The following CAAP1 variants were observed in gnomAD, a reference collection of about 807,000 sequenced individuals.
The protein encoded by CAAP1 is conserved anti-apoptotic protein.
In CAAP1, 20 loss-of-function variants were observed where a neutral mutation model predicts 34.0. The ratio of observed to expected loss-of-function variants is 0.59; its 90% CI spans 0.41 to 0.86. CAAP1 has a LOEUF of 0.86. CAAP1 is among the 40% of genes least tolerant of loss of function. CAAP1 has a pLI of 0.00. For synonymous variants in CAAP1, 213 were observed against 166.7 expected, an observed-to-expected ratio of 1.28 and a Z score of -2.14; for missense variants, 538 against 450.5, an observed-to-expected ratio of 1.19 and a Z score of -1.76.
At chr9:26,846,907 G>A (rs912623303) in intron 5 of CAAP1, among the ~76,000 whole-genome samples, 5 of 151,756 alleles carry the variant, frequency 3.3e-5, no homozygotes, top group East Asian at 3.9e-4. Context: ...GGCTGGCCTC[G>A]AACTCCCAAC....
chr9:26,851,852 C>T (rs569404850), intron 5 of CAAP1, among the ~76,000 whole-genome samples: 64 of 152,242 alleles, frequency 4.2e-4, no homozygotes, highest in Non-Finnish European at 8.8e-5. Context: ...GGGCATCACA[C>T]TCAAATACTT....
At chr9:26,882,451 A>G (rs929367173) in intron 4 of CAAP1, among the ~76,000 whole-genome samples, 1 of 152,218 alleles carries the variant, frequency 6.6e-6, no homozygotes, top group Non-Finnish European at 1.5e-5. Flanking sequence ...CATAGAAGTC[A>G]AGAACTGTGC....
intron 5 of CAAP1, among the ~76,000 whole-genome samples, chr9:26,857,524 C>T (rs534639423): frequency 3.3e-5 from 5 of 151,990 alleles, no homozygotes; most frequent in South Asian, 2.1e-4. Context: ...GCCAGCTACT[C>T]GGCAGGCTGA....
chr9:26,847,649 G>A lies in CAAP1; in HGVS notation c.740-5002C>T, dbSNP rs183268654. 7.6e-3 allele frequency among the ~76,000 whole-genome samples: 1,155 copies of A among 151,664 alleles called. 8 individuals carry two copies. The highest frequency in any genetic ancestry group is 0.015 in the Admixed American group (226 of 15,246). ...GTTTCTACCCTTTGCCCATGTTTTT[G>A]TTTCTTAATAATACCTACATTCTAT... On this transcript the variant is annotated intron_variant, in intron 5 of 5. Transcript: ENST00000333916.
intron 4 of CAAP1, among the ~76,000 whole-genome samples, chr9:26,884,080 T>C (rs1417839990): frequency 1.3e-5 from 2 of 152,194 alleles, no homozygotes; most frequent in Non-Finnish European, 2.9e-5. Context: ...TTTTATACTT[T>C]ATCTTTTTCA....
chr9:26,843,205 A>G (rs1243252114), intron 5 of CAAP1, among the ~76,000 whole-genome samples: 1 of 152,238 alleles, frequency 6.6e-6, no homozygotes, highest in Non-Finnish European at 1.5e-5. Flanking sequence ...GCCTAAGGCC[A>G]TTTTCTAAGG....
chr9:26,846,694 C>CTT (rs888026035), intron 5 of CAAP1, among the ~76,000 whole-genome samples: 9 of 148,272 alleles, frequency 6.1e-5, no homozygotes, highest in Non-Finnish European at 1.2e-4. Flanking sequence ...AATTTTTCTT[C>CTT]TTTTTTTTTT....
At chr9:26,861,739 A>C (rs1372536080) in intron 4 of CAAP1, among the ~76,000 whole-genome samples, 1 of 152,190 alleles carries the variant, frequency 6.6e-6, no homozygotes, top group East Asian at 1.9e-4. Context: ...TTCAGCAAAA[A>C]GGTCAAGAAA....
At chr9:26,851,198 G>A (rs543007527) in intron 5 of CAAP1, among the ~76,000 whole-genome samples, 19 of 152,038 alleles carry the variant, frequency 1.2e-4, no homozygotes, top group Admixed American at 2.0e-4. Flanking sequence ...ACCAAATTAC[G>A]CAATACAAAA....
intron 3 of CAAP1, among the ~76,000 whole-genome samples, 189 bp from the exon 4 acceptor site, chr9:26,885,074 CTTTTTTTTTTT>C (rs397893644): frequency 8.6e-6 from 1 of 116,930 alleles, no homozygotes; most frequent in Non-Finnish European, 1.8e-5. Context: ...TTTCTCATTG[CTTTTTTTTTTT>C]TTTTTTTTTT....
chr9:26,844,602 C>T (rs150655230), intron 5 of CAAP1, among the ~76,000 whole-genome samples: 1 of 152,182 alleles, frequency 6.6e-6, no homozygotes, highest in East Asian at 1.9e-4. Flanking sequence ...AAGAGGTAAA[C>T]GGTAGTTGAT....
At chr9:26,852,408 T>C (rs1280784046) in intron 5 of CAAP1, among the ~76,000 whole-genome samples, 2 of 151,370 alleles carry the variant, frequency 1.3e-5, no homozygotes. Context: ...TGAGCTGAGA[T>C]CACGCCACTG....
At chr9:26,878,318 T>C (rs1823496111) in intron 4 of CAAP1, among the ~76,000 whole-genome samples, 1 of 152,224 alleles carries the variant, frequency 6.6e-6, no homozygotes, top group South Asian at 2.1e-4. Flanking sequence ...AGATGTTATA[T>C]ATGTATTCAT....
intron 4 of CAAP1, among the ~76,000 whole-genome samples, chr9:26,879,041 CTCTT>C (rs760212219): frequency 1.8e-4 from 28 of 152,186 alleles, no homozygotes; most frequent in Non-Finnish European, 4.1e-4. Context: ...TTCCCTGAAT[CTCTT>C]CCTCTGACTT....
intron 5 of CAAP1, among the ~76,000 whole-genome samples, chr9:26,848,110 AATT>A (rs1318399636): frequency 6.6e-6 from 1 of 152,242 alleles, no homozygotes; most frequent in Non-Finnish European, 1.5e-5. Flanking sequence ...TGATAAGCTG[AATT>A]ATTATCAACT....
At chr9:26,870,039 CT>C (rs555433697) in intron 4 of CAAP1, 44,397 of 277,048 alleles carry the variant, frequency 0.16, 238 homozygotes, top group Non-Finnish European at 0.2. Flanking sequence ...GAAAGAATAA[CT>C]TTTTTTTTTT....
At chr9:26,849,564 CTTA>C (rs1170621485) in intron 5 of CAAP1, among the ~76,000 whole-genome samples, 2 of 151,794 alleles carry the variant, frequency 1.3e-5, no homozygotes, top group Non-Finnish European at 2.9e-5. Context: ...AATTTTTATT[CTTA>C]TTATTGTTAA....
chr9:26,844,599 A>G (rs1018052713), intron 5 of CAAP1, among the ~76,000 whole-genome samples: 2 of 152,232 alleles, frequency 1.3e-5, no homozygotes, highest in African/African-American at 4.8e-5. Context: ...GAGAAGAGGT[A>G]AACGGTAGTT....
At chr9:26,887,540 T>C in intron 1 of CAAP1, 27 bp from the exon 2 acceptor site, 1 of 1,300,952 alleles carries the variant, frequency 7.7e-7, no homozygotes, top group Non-Finnish European at 1.1e-6. Context: ...AAAGAACCAT[T>C]AAACAATACT....
Sources: gnomAD v4.1 joint callset for allele counts (sites outside exome capture counted in the v4.1 genomes callset) on GRCh38, gnomAD v4.1.1 for gene constraint, MANE v1.5 for transcripts, NCBI Gene and HGNC (gene_info 2026-07-23, HGNC 2026-07-21) for gene names.